Variants in BRPF3 observed in about 807,000 individuals in gnomAD.
The protein encoded by BRPF3 is bromodomain and PHD finger containing 3.
BRPF3 carries 18 observed loss-of-function variants against 102.0 expected under a neutral mutation model. That is an observed-to-expected ratio of 0.18 (90% CI 0.12 to 0.26). BRPF3 has a LOEUF of 0.26. Among genes scored for constraint, BRPF3 ranks in the 10% least tolerant of loss-of-function variants. The pLI, the probability that BRPF3 is intolerant of heterozygous loss-of-function variation, is 1.00. For synonymous variants in BRPF3, 570 were observed against 614.2 expected (o/e 0.93, Z 1.06); for missense variants, 1,147 against 1,567.8 (o/e 0.73, Z 4.53).
At chr6:36,224,434 G>A (rs1209185473) in intron 10 of BRPF3, among the ~76,000 whole-genome samples, 1 of 152,200 alleles carries the variant, frequency 6.6e-6, no homozygotes, top group Non-Finnish European at 1.5e-5. Context: ...TAAGATGAAA[G>A]GATGCAGTGC....
At chr6:36,225,484 G>C (rs1016109348) in intron 11 of BRPF3, 120 bp downstream of exon 11, 1 of 888,728 alleles carries the variant, frequency 1.1e-6, no homozygotes, top group South Asian at 1.8e-5. Flanking sequence ...TAGAGGGGAG[G>C]GGGGTTTTGC....
intron 2 of BRPF3, 46 bp from the exon 3 acceptor site, chr6:36,204,612 G>T: frequency 6.2e-7 from 1 of 1,610,818 alleles, no homozygotes; most frequent in Non-Finnish European, 8.5e-7. Context: ...TGTAATCTGG[G>T]CTGCCCACTG....
Position 36,196,800 on chromosome 6 carries a change from G to A in BRPF3, c.-197G>A, listed in dbSNP as rs1767506032. ...TCCCCCTCCTCCCCCGGGAGCGGCG[G>A]CGGCGGCCGGGCCGGGGCCCCAGCG... On this transcript the variant is annotated 5_prime_UTR_variant, in exon 1 of 13. Coordinates refer to ENST00000357641, the MANE Select transcript of BRPF3 (RefSeq NM_015695.3). The A allele has an allele frequency of 6.5e-6, 1 of 153,612 alleles. No homozygotes were observed. Among genetic ancestry groups the A allele is most frequent in the Admixed American group, 6.6e-5 (1 of 15,158 alleles). The allele number at this position is 153,612 out of a possible 1,614,324, so 9.5% of individuals were successfully genotyped here.
intron 2 of BRPF3, among the ~76,000 whole-genome samples, chr6:36,203,556 C>A (rs1171251953): frequency 6.6e-6 from 1 of 152,136 alleles, no homozygotes; most frequent in African/African-American, 2.4e-5. Flanking sequence ...AGGCCTAGTT[C>A]TTGATTTTAT....
At chr6:36,203,827 C>G (rs1420917184) in intron 2 of BRPF3, among the ~76,000 whole-genome samples, 2 of 152,212 alleles carry the variant, frequency 1.3e-5, no homozygotes, top group African/African-American at 4.8e-5. Flanking sequence ...AACCTGGATC[C>G]ACCATCTTAT....
At chr6:36,204,889 G>T (rs879113642) in intron 3 of BRPF3, 75 bp downstream of exon 3, 1 of 1,553,538 alleles carries the variant, frequency 6.4e-7, no homozygotes, top group Admixed American at 1.8e-5. Context: ...TTGGGGTGGG[G>T]CTGGCACCCC....
chr6:36,197,290 GCCCTAGGTC>G (rs923836883), intron 1 of BRPF3: 3 of 152,194 alleles, frequency 2.0e-5, no homozygotes, highest in African/African-American at 7.2e-5. Context: ...CCCTTGAGCG[GCCCTAGGTC>G]CCCTGGGTCC....
intron 9 of BRPF3, among the ~76,000 whole-genome samples, chr6:36,220,427 G>A (rs963016109): frequency 1.3e-5 from 2 of 152,096 alleles, no homozygotes; most frequent in Admixed American, 6.5e-5. Context: ...TGTAAGCCTC[G>A]GAGAAGTTAA....
At position 36,209,847 on chromosome 6, in the gene BRPF3, A is replaced by G; in HGVS notation, c.1798A>G (p.Thr600Ala). The change falls in exon 5 of 13, where the codon ACA becomes GCA. Residue 600 changes from threonine to alanine, a missense_variant. Thr to Ala is a moderately conservative substitution (Grantham distance 58). Around this residue, in one of 11 missense-constraint regions of BRPF3, gnomAD observed 44 missense variants for 38.6 expected, o/e 1.14. Transcript: ENST00000357641. ...ELMPFNVLLR[T>A]TLDLLQEKDP... is the part of the protein sequence containing the mutation. ...GATGCCATTCAATGTTCTGTTGAGG[A>G]CAACACTGGACCTGCTGCAGGAGAA... is the stretch of plus-strand genomic sequence containing the variant. 1 of 1,614,196 alleles carries G rather than the reference A, an allele frequency of 6.2e-7. No homozygotes were observed. Among genetic ancestry groups the G allele is most frequent in the East Asian group, 2.2e-5 (1 of 44,882 alleles).
chr6:36,218,113 T>G, intron 9 of BRPF3, 103 bp downstream of exon 9: 1 of 956,532 alleles, frequency 1.0e-6, no homozygotes, highest in Non-Finnish European at 1.6e-6. Context: ...TTTTTCTCTC[T>G]TCCCCCACTC....
chr6:36,200,383 T>C lies in BRPF3; in HGVS notation c.61T>C (p.Tyr21His). The C allele has an allele frequency of 1.2e-6, 2 of 1,614,230 alleles. No individual in the cohort carries two copies. Among genetic ancestry groups the C allele is most frequent in the Non-Finnish European group, 1.7e-6 (2 of 1,180,032 alleles). ...CGAGGGCCGGCGTTCCCCGTCCCCCTACAGTCTCAAGTGCTCACCCACCCG... is the reference window on the plus strand; with the variant it reads ...CGAGGGCCGGCGTTCCCCGTCCCCCCACAGTCTCAAGTGCTCACCCACCCG... ...NAEGRRSPSP[Y>H]SLKCSPTRET... Residue 21 changes from tyrosine (Y) to histidine (H), a missense_variant, in exon 2 of 13, where the codon TAC (tyrosine) becomes CAC (histidine). This residue lies in a region of BRPF3 where 38 missense variants were observed against 34.3 expected (regional missense o/e 1.11). Transcript: ENST00000357641. The surrounding 1 kb of genome is among the most constrained non-coding windows in gnomAD (Gnocchi z 5.3).
At chr6:36,212,170 AAAG>A (rs1249473974) in intron 7 of BRPF3, among the ~76,000 whole-genome samples, 19 of 152,186 alleles carry the variant, frequency 1.2e-4, no homozygotes, top group African/African-American at 4.6e-4. Context: ...TAAAAATAAA[AAAG>A]AAGAAAAGAC....
chr6:36,209,984 AG>A, intron 5 of BRPF3, 69 bp downstream of exon 5: 1 of 1,589,420 alleles, frequency 6.3e-7, no homozygotes, highest in Non-Finnish European at 8.6e-7. Context: ...TAGGCTAGGA[AG>A]GAGTTGGGCC....
rs1369379686 is a variant in BRPF3, at chr6:36,232,532, G to A, written c.*1923G>A. The stretch of plus-strand genomic sequence containing the variant: ...ATTTTTTAAAATGCTCTTTTAGAAC[G>A]GGAAACGGCTCAGATCCTGCTGTGG... On this transcript the variant is annotated 3_prime_UTR_variant, in exon 13 of 13. Coordinates refer to ENST00000357641, the MANE Select transcript of BRPF3 (RefSeq NM_015695.3). The A allele has an allele frequency of 6.6e-6, 1 of 152,558 alleles. No homozygotes were observed. Among genetic ancestry groups the A allele is most frequent in the Admixed American group, 6.5e-5 (1 of 15,272 alleles). 9.5% of individuals were successfully genotyped at this position (152,558 alleles called of 1,614,324 possible).
rs1581943564 is a variant in BRPF3 at position 36,201,739 on chromosome 6, A to G, written c.1417A>G (p.Met473Val). The change falls in exon 2 of 13, where the codon ATG becomes GTG. Residue 473 changes from methionine to valine, a missense_variant. By Grantham distance (21) the Met-to-Val change is conservative. Transcript: ENST00000357641. This position sits in a 1 kb window ranked among gnomAD's most constrained non-coding sequence, Gnocchi z 5.1. The part of the protein sequence containing the change: ...AGQDTPSTLP[M>V]LAVPQIPSYR... ...CCAAGACACACCCTCCACTCTCCCC[A>G]TGCTTGCTGTCCCACAGATACCCTC... 8.7e-6 allele frequency: 14 copies of G among 1,611,176 alleles called. No individual in the cohort carries two copies. Among genetic ancestry groups the G allele is most frequent in the Non-Finnish European group, 1.1e-5 (13 of 1,178,412 alleles).
At chr6:36,219,208 G>A (rs565906733) in intron 9 of BRPF3, among the ~76,000 whole-genome samples, 3 of 152,146 alleles carry the variant, frequency 2.0e-5, no homozygotes, top group East Asian at 1.9e-4. Flanking sequence ...CCAGCTACTC[G>A]TTGGCCTGGA....
rs1055531321 is a variant in BRPF3, at chr6:36,210,587, C to T, written c.2179+59C>T. 9 of 1,492,932 alleles carry T rather than the reference C, an allele frequency of 6.0e-6. No homozygotes were observed. Among genetic ancestry groups the T allele is most frequent in the Non-Finnish European group, 8.1e-6 (9 of 1,115,652 alleles). The allele number at this position is 1,492,932 out of a possible 1,614,324, so 92.5% of individuals were successfully genotyped here. Reference sequence around the variant, plus strand: ...CCAGGAGGAGGCACAGGAACAGAGTCTACAGAGTGAGGGATCAGGGTGGTC... The same window carrying T: ...CCAGGAGGAGGCACAGGAACAGAGTTTACAGAGTGAGGGATCAGGGTGGTC... On this transcript the variant is annotated intron_variant, in intron 6 of 12. Coordinates refer to ENST00000357641, the MANE Select transcript of BRPF3 (RefSeq NM_015695.3). This position sits in a 1 kb window ranked among gnomAD's most constrained non-coding sequence, Gnocchi z 4.7.
chr6:36,199,997 T>A (rs1359741615), intron 1 of BRPF3, among the ~76,000 whole-genome samples: 2 of 152,166 alleles, frequency 1.3e-5, no homozygotes, highest in Admixed American at 1.3e-4. Flanking sequence ...TGTAGCATGG[T>A]ATAAGATGAT....
In BRPF3 at chr6:36,204,094, A is replaced by G. The variant is rs369959319; in HGVS notation, c.1449-564A>G. Reference sequence around the variant, plus strand: ...CCATCCTCTTACATCTTTAGATCCAATTTTTTTTTTCATTTGGTTCAAAAT... The same window carrying G: ...CCATCCTCTTACATCTTTAGATCCAGTTTTTTTTTTCATTTGGTTCAAAAT... On this transcript the variant is annotated intron_variant, in intron 2 of 12. Coordinates refer to ENST00000357641, the MANE Select transcript of BRPF3 (RefSeq NM_015695.3). 2.7e-5 allele frequency among the ~76,000 whole-genome samples: 4 copies of G among 149,798 alleles called. No homozygotes were observed. In the South Asian group the frequency reaches 8.4e-4, roughly 32 times the overall value.
Sources: allele counts gnomAD v4.1 joint callset (sites outside exome capture counted in the v4.1 genomes callset), GRCh38; gene constraint gnomAD v4.1.1; regional missense constraint gnomAD v4.1.1; non-coding constraint Gnocchi (gnomAD v3.1); transcripts MANE v1.5; gene names NCBI Gene and HGNC (gene_info 2026-07-23, HGNC 2026-07-21).